MIR2052HG: variants seen among roughly 807,000 people sequenced by gnomAD.
The protein encoded by MIR2052HG is MIR2052 host gene.
chr8:74,753,293 T>A (rs1376143671), intron 5 of MIR2052HG, among the ~76,000 whole-genome samples: 3 of 151,264 alleles, frequency 2.0e-5, no homozygotes, highest in Admixed American at 1.3e-4. Flanking sequence ...CACAGGCAAA[T>A]GTATACATTA....
Position 74,747,539 on chromosome 8 carries a change from CTGCAAGCA to C in MIR2052HG, n.372-4901_372-4894del, listed in dbSNP as rs2128756380. On this transcript the variant is annotated intron_variant and non_coding_transcript_variant, in intron 4 of 6. Coordinates refer to ENST00000523442, the Ensembl canonical transcript of MIR2052HG. ...CTTACATACCAAAAAACCTAAAAAG[CTGCAAGCA>C]CATTTGTGAATCGTGTTATTCTCTG... 1.3e-5 allele frequency among the ~76,000 whole-genome samples: 2 copies of C among 152,192 alleles called. 1 individual carries two copies. Among genetic ancestry groups the C allele is most frequent in the Admixed American group, 1.3e-4 (2 of 15,272 alleles).
intron 2 of MIR2052HG, among the ~76,000 whole-genome samples, chr8:74,667,871 A>C (rs1205367280): frequency 2.6e-5 from 4 of 152,128 alleles, no homozygotes; most frequent in African/African-American, 4.8e-5. Flanking sequence ...TGACTGTATT[A>C]AGGGTTCCAC....
intron 2 of MIR2052HG, among the ~76,000 whole-genome samples, chr8:74,623,482 G>A (rs1231719802): frequency 1.3e-5 from 2 of 152,102 alleles, no homozygotes; most frequent in Admixed American, 6.6e-5. Context: ...AGGCAGGAAC[G>A]TCAACTGTTC....
chr8:74,630,560 C>A, intron 2 of MIR2052HG, among the ~76,000 whole-genome samples: 1 of 148,652 alleles, frequency 6.7e-6, no homozygotes, highest in Admixed American at 6.7e-5. Context: ...AAGGGCAATC[C>A]AGCTTAAAAA....
intron 2 of MIR2052HG, among the ~76,000 whole-genome samples, chr8:74,623,590 T>C (rs1368164811): frequency 1.3e-5 from 2 of 152,254 alleles, no homozygotes; most frequent in African/African-American, 4.8e-5. Flanking sequence ...TAGGACTTTT[T>C]AAATGGCACA....
chr8:74,751,686 C>T (rs1360875813), intron 4 of MIR2052HG, among the ~76,000 whole-genome samples: 1 of 152,088 alleles, frequency 6.6e-6, no homozygotes, highest in South Asian at 2.1e-4. Flanking sequence ...TTCACAAACA[C>T]AAGCAAAAAG....
At chr8:74,717,629 G>A (rs1325746245) in intron 4 of MIR2052HG, among the ~76,000 whole-genome samples, 3 of 151,916 alleles carry the variant, frequency 2.0e-5, no homozygotes, top group Admixed American at 1.3e-4. Flanking sequence ...ACCAGCCTGG[G>A]CAAGATGGCA....
rs765411113 is a variant in MIR2052HG at position 74,612,966 on chromosome 8, G to T, written n.216+26G>T. ...GTGGGAAAGATCTTTGAGTGCAGCT[G>T]CACTGTGTGGGAAGACAAATATGAT... On this transcript the variant is annotated intron_variant and non_coding_transcript_variant, in intron 2 of 6. Coordinates refer to ENST00000523442, the Ensembl canonical transcript of MIR2052HG. 41 of 455,624 alleles carry T rather than the reference G, an allele frequency of 9.0e-5. 3 individuals carry two copies. The highest frequency in any genetic ancestry group is 6.0e-4 in the South Asian group (39 of 64,480). The allele number at this position is 455,624 out of a possible 1,614,324, so 28.2% of individuals were successfully genotyped here.
intron 2 of MIR2052HG, among the ~76,000 whole-genome samples, chr8:74,665,358 C>T (rs1446058437): frequency 1.3e-5 from 2 of 152,200 alleles, no homozygotes; most frequent in Admixed American, 6.5e-5. Context: ...AACAGATAAA[C>T]TTACGGGGAG....
exon 3 of MIR2052HG, chr8:74,702,432 A>T (rs1809367572): frequency 2.2e-6 from 1 of 454,720 alleles, no homozygotes; most frequent in African/African-American, 2.0e-5. Context: ...TGATTTGAAG[A>T]TGATGAAGAA....
chr8:74,610,202 A>G (rs549671553), intron 1 of MIR2052HG, among the ~76,000 whole-genome samples: 14 of 152,128 alleles, frequency 9.2e-5, no homozygotes, highest in Admixed American at 5.2e-4. Context: ...CAAGATTAAT[A>G]TACAAAATTT....
chr8:74,604,779 A>T (rs538988026), intron 1 of MIR2052HG, among the ~76,000 whole-genome samples: 26 of 151,408 alleles, frequency 1.7e-4, no homozygotes, highest in Admixed American at 1.6e-3. Flanking sequence ...TTTTTAGTAG[A>T]GACGAGGTTT....
intron 2 of MIR2052HG, among the ~76,000 whole-genome samples, chr8:74,656,063 T>C (rs1808803274): frequency 6.6e-6 from 1 of 152,166 alleles, no homozygotes; most frequent in Admixed American, 6.5e-5. Context: ...AACCCCTTTG[T>C]TTTGGCCAAT....
At chr8:74,712,638 A>G (rs1809481179) in intron 4 of MIR2052HG, among the ~76,000 whole-genome samples, 1 of 151,452 alleles carries the variant, frequency 6.6e-6, no homozygotes, top group South Asian at 2.1e-4. Flanking sequence ...GGACTTTTGT[A>G]TTACAACTTG....
intron 5 of MIR2052HG, among the ~76,000 whole-genome samples, chr8:74,755,517 T>A (rs576159507): frequency 6.6e-6 from 1 of 152,362 alleles, no homozygotes; most frequent in South Asian, 2.1e-4. Context: ...ATTTATAGGA[T>A]GGATGCAGTG....
chr8:74,678,296 G>A (rs1407620835), intron 2 of MIR2052HG, among the ~76,000 whole-genome samples: 1 of 152,018 alleles, frequency 6.6e-6, no homozygotes, highest in Non-Finnish European at 1.5e-5. Context: ...TGGTGGCTCA[G>A]GCCTGTAATT....
intron 1 of MIR2052HG, among the ~76,000 whole-genome samples, chr8:74,606,159 C>T (rs1808107981): frequency 6.6e-6 from 1 of 152,182 alleles, no homozygotes; most frequent in African/African-American, 2.4e-5. Context: ...AGGTGATAGA[C>T]GCGGGGCTTT....
At chr8:74,733,948 C>G (rs1171453674) in intron 4 of MIR2052HG, among the ~76,000 whole-genome samples, 1 of 152,146 alleles carries the variant, frequency 6.6e-6, no homozygotes. Flanking sequence ...TCTAAAACAC[C>G]AAAAGCAATG....
chr8:74,604,759 A>G (rs986442296), intron 1 of MIR2052HG, among the ~76,000 whole-genome samples: 2 of 150,528 alleles, frequency 1.3e-5, no homozygotes, highest in African/African-American at 4.9e-5. Context: ...ATGCCTGGCT[A>G]ATTTTTGTAT....
Sources: allele counts gnomAD v4.1 joint callset (sites outside exome capture counted in the v4.1 genomes callset), GRCh38; gene constraint gnomAD v4.1.1; transcripts MANE v1.5; gene names NCBI Gene and HGNC (gene_info 2026-07-23, HGNC 2026-07-21).